KHDRBS3: variants seen among roughly 807,000 people sequenced by gnomAD.
The protein encoded by KHDRBS3 is KH domain-containing, RNA-binding, signal transduction-associated protein 3.
In KHDRBS3, 23 loss-of-function variants were observed where a neutral mutation model predicts 45.6. The observed-to-expected ratio is 0.50, with a 90% CI of 0.36 to 0.72. KHDRBS3 has a LOEUF of 0.72. Ranked by LOEUF, KHDRBS3 falls within the 30% of genes least tolerant of loss-of-function variation. KHDRBS3 has a pLI of 0.00. For missense variants in KHDRBS3, 352 were observed against 424.8 expected (o/e 0.83, Z 1.51); for synonymous variants, 162 against 156.5 (o/e 1.04, Z -0.26).
chr8:135,473,771 G>A (rs912055782), intron 1 of KHDRBS3, among the ~76,000 whole-genome samples: 6 of 152,116 alleles, frequency 3.9e-5, no homozygotes, highest in Non-Finnish European at 7.4e-5. Flanking sequence ...TGATAAAAAC[G>A]GGCTGAAAAA....
intron 5 of KHDRBS3, among the ~76,000 whole-genome samples, chr8:135,580,735 C>T (rs1184649989): frequency 6.6e-6 from 1 of 151,846 alleles, no homozygotes; most frequent in African/African-American, 2.4e-5. Flanking sequence ...TGCTCAGCCT[C>T]CCAAGTAGCT....
chr8:135,609,340 G>T (rs1286424408), intron 7 of KHDRBS3, among the ~76,000 whole-genome samples: 1 of 149,826 alleles, frequency 6.7e-6, no homozygotes. Flanking sequence ...TGTCACCCAG[G>T]CTGGAATGCA....
chr8:135,461,447 G>C (rs113959210), intron 1 of KHDRBS3, among the ~76,000 whole-genome samples: 20 of 152,230 alleles, frequency 1.3e-4, no homozygotes, highest in Middle Eastern at 3.4e-3. Context: ...ATGTTTATTT[G>C]ATGTTAAAAG....
intron 1 of KHDRBS3, among the ~76,000 whole-genome samples, chr8:135,516,882 A>C (rs907367204): frequency 3.9e-5 from 6 of 152,236 alleles, no homozygotes; most frequent in African/African-American, 1.4e-4. Flanking sequence ...GTGTTTGATT[A>C]TATGAGAGAA....
chr8:135,613,904 T>G (rs1269347680), intron 7 of KHDRBS3, among the ~76,000 whole-genome samples: 1 of 151,690 alleles, frequency 6.6e-6, no homozygotes, highest in Non-Finnish European at 1.5e-5. Flanking sequence ...ATGACACTCT[T>G]GTGTTACAGA....
intron 1 of KHDRBS3, among the ~76,000 whole-genome samples, chr8:135,495,855 G>A (rs1823412931): frequency 1.3e-5 from 2 of 152,224 alleles, no homozygotes; most frequent in Admixed American, 1.3e-4. Flanking sequence ...CTCTCTGGAG[G>A]TAATTAGAGA....
intron 1 of KHDRBS3, among the ~76,000 whole-genome samples, chr8:135,492,953 A>G (rs1406117680): frequency 6.6e-6 from 1 of 152,170 alleles, no homozygotes; most frequent in East Asian, 1.9e-4. Flanking sequence ...ATCCATGGAC[A>G]TGGTATATGT....
chr8:135,478,451 A>G lies in KHDRBS3; in HGVS notation c.88+20497A>G, dbSNP rs536255337. ...TAGAAAATTAGTAAGGAAATAGTAGATTTGAACAACATTGTAAGCCAACTA... is the reference window on the plus strand; with the variant it reads ...TAGAAAATTAGTAAGGAAATAGTAGGTTTGAACAACATTGTAAGCCAACTA... On this transcript the variant is annotated intron_variant, in intron 1 of 8. Transcript: ENST00000355849. Among the ~76,000 whole-genome samples, 18 of 152,314 alleles carry G rather than the reference A, an allele frequency of 1.2e-4. No homozygotes were observed. The South Asian group carries it at 3.7e-3, about 32-fold the overall frequency.
At chr8:135,536,718 T>G (rs1405911346) in intron 2 of KHDRBS3, among the ~76,000 whole-genome samples, 1 of 150,430 alleles carries the variant, frequency 6.6e-6, no homozygotes, top group Non-Finnish European at 1.5e-5. Context: ...CCCAGCACTT[T>G]GGGAGGCCGA....
chr8:135,629,103 G>A (rs1184079729), intron 7 of KHDRBS3, among the ~76,000 whole-genome samples: 3 of 152,174 alleles, frequency 2.0e-5, no homozygotes, highest in Non-Finnish European at 4.4e-5. Flanking sequence ...AAGTTTAGAA[G>A]TATTTCATAG....
intron 4 of KHDRBS3, among the ~76,000 whole-genome samples, chr8:135,653,803 C>A (rs192224844): frequency 2.0e-4 from 30 of 152,302 alleles, no homozygotes; most frequent in Non-Finnish European, 4.1e-4. Flanking sequence ...GAGGACATAA[C>A]CCCATCCTAA....
chr8:135,569,140 A>C (rs1447255653), intron 5 of KHDRBS3, among the ~76,000 whole-genome samples: 1 of 152,166 alleles, frequency 6.6e-6, no homozygotes, highest in South Asian at 2.1e-4. Context: ...TTTTATTCAT[A>C]GTTGGTTTCA....
chr8:135,469,316 G>C (rs1188968817), intron 1 of KHDRBS3, among the ~76,000 whole-genome samples: 1 of 152,096 alleles, frequency 6.6e-6, no homozygotes, highest in African/African-American at 2.4e-5. Context: ...ACGGAGTCTC[G>C]CTCTGTCGCC....
At chr8:135,603,182 C>T (rs1056682692) in intron 6 of KHDRBS3, among the ~76,000 whole-genome samples, 1 of 152,168 alleles carries the variant, frequency 6.6e-6, no homozygotes, top group Admixed American at 6.5e-5. Flanking sequence ...ATAGTTGTCT[C>T]TTTAGTTGTC....
intron 7 of KHDRBS3, among the ~76,000 whole-genome samples, chr8:135,616,072 A>G (rs1022643776): frequency 4.6e-5 from 7 of 152,248 alleles, no homozygotes; most frequent in African/African-American, 1.7e-4. Context: ...CAAAGTTTGA[A>G]GGAATGAAAT....
intron 3 of KHDRBS3, among the ~76,000 whole-genome samples, chr8:135,544,330 C>T (rs77474918): frequency 0.012 from 1,898 of 152,224 alleles, 19 homozygotes; most frequent in Non-Finnish European, 0.018. Context: ...AGAAGGGAAA[C>T]AAGGAAGGCA....
At chr8:135,486,784 A>G (rs1822885540) in intron 1 of KHDRBS3, among the ~76,000 whole-genome samples, 1 of 152,228 alleles carries the variant, frequency 6.6e-6, no homozygotes, top group Non-Finnish European at 1.5e-5. Context: ...AAAAATTGAC[A>G]TGCTTAATTG....
intron 4 of KHDRBS3, among the ~76,000 whole-genome samples, chr8:135,654,736 T>TGGG (rs1831497464): frequency 6.6e-6 from 1 of 152,074 alleles, no homozygotes. Flanking sequence ...TGGCCCGTGG[T>TGGG]GGGGCAGGCT....
chr8:135,614,709 A>G (rs1829846617), intron 7 of KHDRBS3, among the ~76,000 whole-genome samples: 1 of 151,698 alleles, frequency 6.6e-6, no homozygotes, highest in Admixed American at 6.6e-5. Flanking sequence ...TGGTAAGGGA[A>G]AAAAAAACAA....
Sources: allele counts gnomAD v4.1 joint callset (sites outside exome capture counted in the v4.1 genomes callset), GRCh38; gene constraint gnomAD v4.1.1; transcripts MANE v1.5; gene names NCBI Gene and HGNC (gene_info 2026-07-23, HGNC 2026-07-21).